Variants in CLVS1 observed in about 807,000 individuals in gnomAD.
CLVS1 encodes clavesin-1.
In CLVS1, 10 loss-of-function variants were observed where a neutral mutation model predicts 33.1. That is an observed-to-expected ratio of 0.30 (90% CI 0.19 to 0.51). The LOEUF is 0.51. Among genes scored for constraint, CLVS1 ranks in the 20% least tolerant of loss-of-function variants. The pLI is 0.97. For synonymous variants in CLVS1, 163 were observed against 166.1 expected, an observed-to-expected ratio of 0.98 and a Z score of 0.14; for missense variants, 343 against 433.4, an observed-to-expected ratio of 0.79 and a Z score of 1.85.
At chr8:61,132,734 A>C (rs1806124034) in intron 2 of CLVS1, among the ~76,000 whole-genome samples, 1 of 152,188 alleles carries the variant, frequency 6.6e-6, no homozygotes, top group Admixed American at 6.5e-5. Flanking sequence ...TGCAGGGCCC[A>C]GTGAGCTGCA....
intron 2 of CLVS1, among the ~76,000 whole-genome samples, chr8:61,272,409 C>G (rs1809460905): frequency 6.6e-6 from 1 of 151,950 alleles, no homozygotes; most frequent in Non-Finnish European, 1.5e-5. Context: ...CGACCTTTCT[C>G]TCTGGCTGCC....
chr8:61,493,256 T>C (rs979780060), intron 5 of CLVS1, among the ~76,000 whole-genome samples: 3 of 152,202 alleles, frequency 2.0e-5, no homozygotes, highest in Admixed American at 6.5e-5. Context: ...GTACACACAA[T>C]TGTCTCTTGT....
intron 2 of CLVS1, among the ~76,000 whole-genome samples, chr8:61,139,012 G>C (rs560422662): frequency 9.8e-5 from 15 of 152,380 alleles, no homozygotes; most frequent in Non-Finnish European, 2.2e-4. Flanking sequence ...CTGAAGCTTT[G>C]AGAACTGCTA....
the CLVS1 span, among the ~76,000 whole-genome samples, chr8:61,043,673 T>G: frequency 6.6e-6 from 1 of 152,208 alleles, no homozygotes; most frequent in Non-Finnish European, 1.5e-5. Flanking sequence ...GTCCCAGGTA[T>G]ATGTTGATTC....
intron 3 of CLVS1, among the ~76,000 whole-genome samples, chr8:61,394,362 G>C (rs1399541189): frequency 6.6e-6 from 1 of 152,096 alleles, no homozygotes; most frequent in Non-Finnish European, 1.5e-5. Flanking sequence ...AAGTATTCAG[G>C]TTCCTTAGGT....
intron 5 of CLVS1, among the ~76,000 whole-genome samples, chr8:61,483,347 A>C (rs181750837): frequency 5.9e-5 from 9 of 152,380 alleles, no homozygotes; most frequent in African/African-American, 2.2e-4. Flanking sequence ...TCTAGAAGAA[A>C]TGGATAAATT....
the CLVS1 span, among the ~76,000 whole-genome samples, chr8:61,038,865 T>G: frequency 6.6e-6 from 1 of 152,252 alleles, no homozygotes; most frequent in Non-Finnish European, 1.5e-5. Context: ...CTGTACTAGA[T>G]GTCTCTGAGA....
chr8:61,064,794 C>T (rs568286976), intron 1 of CLVS1, among the ~76,000 whole-genome samples: 49 of 151,740 alleles, frequency 3.2e-4, no homozygotes, highest in South Asian at 1.7e-3. Flanking sequence ...CTCTGCCTCC[C>T]GGGTTCACAC....
chr8:61,489,445 G>A (rs1435380053), intron 5 of CLVS1, among the ~76,000 whole-genome samples: 4 of 152,122 alleles, frequency 2.6e-5, no homozygotes, highest in African/African-American at 4.8e-5. Flanking sequence ...TTACCTTCTT[G>A]GAGGCTCAGT....
At chr8:61,033,155 GAAAGAA>G in the CLVS1 span, among the ~76,000 whole-genome samples, 1 of 131,848 alleles carries the variant, frequency 7.6e-6, no homozygotes, top group African/African-American at 2.9e-5. Context: ...AAGAAAGAAA[GAAAGAA>G]AAAGAAAGAA....
chr8:61,289,335 C>T (rs1804510089), intron 1 of CLVS1, among the ~76,000 whole-genome samples: 3 of 152,210 alleles, frequency 2.0e-5, no homozygotes, highest in Non-Finnish European at 2.9e-5. Flanking sequence ...GTTGGAACAC[C>T]TTTCAAATGT....
intron 2 of CLVS1, among the ~76,000 whole-genome samples, chr8:61,136,996 GC>G (rs1313767541): frequency 6.6e-6 from 1 of 152,168 alleles, no homozygotes; most frequent in Non-Finnish European, 1.5e-5. Flanking sequence ...CAATGAGGAA[GC>G]ATCCCACTTC....
At chr8:61,371,126 G>A (rs758468342) in intron 2 of CLVS1, among the ~76,000 whole-genome samples, 27 of 152,218 alleles carry the variant, frequency 1.8e-4, no homozygotes, top group South Asian at 6.2e-4. Context: ...GTGTAAAAGC[G>A]TTCCCTTTTC....
chr8:61,262,727 C>T (rs191929336), intron 2 of CLVS1, among the ~76,000 whole-genome samples: 21 of 152,302 alleles, frequency 1.4e-4, no homozygotes, highest in Admixed American at 2.6e-4. Flanking sequence ...TCTTGCCTCC[C>T]AGGTTGCAGG....
the CLVS1 span, among the ~76,000 whole-genome samples, chr8:60,978,357 C>T: frequency 6.6e-6 from 1 of 151,986 alleles, no homozygotes; most frequent in Non-Finnish European, 1.5e-5. Flanking sequence ...AATGGGCATG[C>T]AATGTATACA....
chr8:61,357,206 A>T lies in CLVS1; in HGVS notation c.456-19399A>T, dbSNP rs375070222. Among the ~76,000 whole-genome samples, 11 of 152,244 alleles carry T rather than the reference A, an allele frequency of 7.2e-5. 1 individual carries two copies. In the East Asian group the frequency reaches 9.7e-4, roughly 13 times the overall value. ...GAATGGGAGTTCACTCATGAAGTTA[A>T]ATGGCATCAAGAGAAAACAATAGGC... On this transcript the variant is annotated intron_variant, in intron 2 of 5. Coordinates refer to ENST00000325897, the MANE Select transcript of CLVS1 (RefSeq NM_173519.3).
intron 1 of CLVS1, among the ~76,000 whole-genome samples, chr8:61,127,544 A>T (rs1360501721): frequency 6.6e-6 from 1 of 152,108 alleles, no homozygotes; most frequent in Non-Finnish European, 1.5e-5. Flanking sequence ...TAAGCCTCAG[A>T]AAAAAAGTAC....
chr8:60,969,369 T>G, the CLVS1 span, among the ~76,000 whole-genome samples: 5 of 152,312 alleles, frequency 3.3e-5, 1 homozygote, highest in South Asian at 1.0e-3. Flanking sequence ...GTATACTCTT[T>G]AAGTGTAGGG....
intron 1 of CLVS1, among the ~76,000 whole-genome samples, chr8:61,060,420 G>A (rs1446222755): frequency 1.3e-5 from 2 of 152,200 alleles, no homozygotes; most frequent in Non-Finnish European, 2.9e-5. Context: ...CCAGTCTGAA[G>A]TTACAGAGCT....
Sources: gnomAD v4.1 joint callset for allele counts (sites outside exome capture counted in the v4.1 genomes callset) on GRCh38, gnomAD v4.1.1 for gene constraint, MANE v1.5 for transcripts, NCBI Gene and HGNC (gene_info 2026-07-23, HGNC 2026-07-21) for gene names.